The following CRPPA variants were observed in gnomAD, a reference collection of about 807,000 sequenced individuals.
The protein encoded by CRPPA is D-ribitol-5-phosphate cytidylyltransferase.
In CRPPA, 43 loss-of-function variants were observed where a neutral mutation model predicts 52.0. The observed-to-expected ratio is 0.83, with a 90% CI of 0.65 to 1.07. The LOEUF (loss-of-function observed/expected upper bound fraction) is 1.07, where lower values mean the gene tolerates loss of function less well. Ranked by LOEUF, CRPPA falls within the 50% of genes least tolerant of loss-of-function variation. The probability of loss-of-function intolerance (pLI) is 0.00; values close to 1 mark genes in which losing one functional copy is unlikely to be tolerated. For missense variants in CRPPA, 629 were observed against 551.7 expected (o/e 1.14, Z -1.40); for synonymous variants, 250 against 203.5 (o/e 1.23, Z -1.94).
intron 2 of CRPPA, among the ~76,000 whole-genome samples, chr7:16,397,266 CAACAT>C (rs987711251): frequency 8.6e-5 from 13 of 151,936 alleles, no homozygotes; most frequent in African/African-American, 2.4e-4. Context: ...ATGACCAACA[CAACAT>C]GAGGGTGACA....
At chr7:16,242,614 T>C (rs1783149160) in intron 8 of CRPPA, among the ~76,000 whole-genome samples, 1 of 152,168 alleles carries the variant, frequency 6.6e-6, no homozygotes, top group African/African-American at 2.4e-5. Flanking sequence ...AGACTAAGCA[T>C]TTAGAAAAAT....
At chr7:16,391,788 C>G (rs976951683) in intron 2 of CRPPA, among the ~76,000 whole-genome samples, 1 of 152,264 alleles carries the variant, frequency 6.6e-6, no homozygotes, top group East Asian at 1.9e-4. Flanking sequence ...GTGCCTAACA[C>G]ATAGCATGCA....
At chr7:16,107,434 A>C (rs552352777) in intron 9 of CRPPA, among the ~76,000 whole-genome samples, 1 of 152,274 alleles carries the variant, frequency 6.6e-6, no homozygotes, top group Admixed American at 6.5e-5. Flanking sequence ...CTCAGCAGAA[A>C]CCTTGTATGC....
At chr7:16,290,743 T>C (rs368769044) in intron 5 of CRPPA, among the ~76,000 whole-genome samples, 177 of 152,096 alleles carry the variant, frequency 1.2e-3, no homozygotes, top group African/African-American at 4.1e-3. Context: ...AAAAGCATTT[T>C]ATGGCTAAGA....
chr7:16,209,588 G>A (rs1782076726), intron 9 of CRPPA, among the ~76,000 whole-genome samples: 1 of 151,988 alleles, frequency 6.6e-6, no homozygotes, highest in South Asian at 2.1e-4. Flanking sequence ...GTCATCTTTT[G>A]TTTTATTATG....
At chr7:16,198,877 A>G (rs556505181) in intron 9 of CRPPA, among the ~76,000 whole-genome samples, 35 of 152,284 alleles carry the variant, frequency 2.3e-4, no homozygotes, top group African/African-American at 8.2e-4. Context: ...AATATAAAGT[A>G]GTAAGAACTG....
At chr7:16,345,662 T>G (rs1456998614) in intron 3 of CRPPA, among the ~76,000 whole-genome samples, 1 of 152,176 alleles carries the variant, frequency 6.6e-6, no homozygotes, top group Non-Finnish European at 1.5e-5. Context: ...AAATTTTCAG[T>G]TAAAAAATAT....
chr7:16,170,941 C>A (rs1364791938), intron 9 of CRPPA, among the ~76,000 whole-genome samples: 1 of 152,216 alleles, frequency 6.6e-6, no homozygotes, highest in Non-Finnish European at 1.5e-5. Context: ...CCGGTTCCTG[C>A]CTGCGCCTCT....
intron 6 of CRPPA, chr7:16,269,001 T>C (rs1170493906): frequency 2.0e-5 from 3 of 152,118 alleles, no homozygotes; most frequent in African/African-American, 7.2e-5. Flanking sequence ...ACTTCTTGAG[T>C]TTTGTGTTTT....
chr7:16,333,895 G>C (rs1583527302), intron 3 of CRPPA, among the ~76,000 whole-genome samples: 1 of 152,136 alleles, frequency 6.6e-6, no homozygotes, highest in Non-Finnish European at 1.5e-5. Flanking sequence ...ACTGCCCCAA[G>C]CCAGAATTCC....
At chr7:16,258,303 C>T in intron 8 of CRPPA, 87 bp downstream of exon 8, 1 of 793,850 alleles carries the variant, frequency 1.3e-6, no homozygotes, top group East Asian at 2.7e-5. Flanking sequence ...TCAATGCTCT[C>T]AATTGGATGA....
rs1782518886 is a variant in CRPPA, at chr7:16,221,850, A to G, written c.1120-5653T>C. On this transcript the variant is annotated intron_variant, in intron 8 of 9. Transcript: ENST00000407010. ...GGAACACTTTTACACTGTTGGTGGG[A>G]CTGTAAACTAGTTCAACCATTGTGG... 2.0e-5 allele frequency among the ~76,000 whole-genome samples: 3 copies of G among 150,436 alleles called. No homozygotes were observed. In the South Asian group the frequency reaches 6.3e-4, roughly 32 times the overall value.
intron 7 of CRPPA, 66 bp from the exon 8 acceptor site, chr7:16,258,548 G>A: frequency 1.2e-6 from 1 of 852,882 alleles, no homozygotes; most frequent in Non-Finnish European, 1.8e-6. Context: ...CTTATTTCAA[G>A]GAATAAATGG....
intron 3 of CRPPA, among the ~76,000 whole-genome samples, chr7:16,353,985 T>C (rs1174028825): frequency 6.6e-6 from 1 of 152,080 alleles, no homozygotes; most frequent in Non-Finnish European, 1.5e-5. Context: ...CACATATATA[T>C]ATACAATTAT....
intron 9 of CRPPA, among the ~76,000 whole-genome samples, chr7:16,204,732 A>G (rs761888724): frequency 7.2e-5 from 11 of 152,218 alleles, no homozygotes; most frequent in Non-Finnish European, 1.3e-4. Flanking sequence ...GAGATAATTC[A>G]TTCAAGTTTA....
At chr7:16,245,674 C>T (rs896910107) in intron 8 of CRPPA, among the ~76,000 whole-genome samples, 1 of 152,138 alleles carries the variant, frequency 6.6e-6, no homozygotes, top group African/African-American at 2.4e-5. Flanking sequence ...GGGAAAGTAA[C>T]AAGCATACCT....
At position 16,089,877 on chromosome 7, in the gene CRPPA, T is replaced by A. The variant is rs1249475283; in HGVS notation, c.*1818A>T. On this transcript the variant is annotated 3_prime_UTR_variant, in exon 10 of 10. Coordinates refer to ENST00000407010, the MANE Select transcript of CRPPA (RefSeq NM_001101426.4). ...GGGTGATTTTGCTGTGCCACAAATATGCCCAGTTTACTGCATTCTTCTTCA... is the reference window on the plus strand; with the variant it reads ...GGGTGATTTTGCTGTGCCACAAATAAGCCCAGTTTACTGCATTCTTCTTCA... The A allele has an allele frequency of 6.1e-6, 1 of 162,690 alleles. No individual in the cohort carries two copies. The highest frequency in any genetic ancestry group is 2.4e-5 in the African/African-American group (1 of 41,564). The allele number at this position is 162,690 out of a possible 1,614,324, so 10.1% of individuals were successfully genotyped here. A position where few individuals can be genotyped will look rare whatever the true frequency, so the allele number is the denominator to read the frequency against.
At chr7:16,186,383 G>T (rs891543039) in intron 9 of CRPPA, among the ~76,000 whole-genome samples, 2 of 152,152 alleles carry the variant, frequency 1.3e-5, no homozygotes, top group African/African-American at 2.4e-5. Flanking sequence ...CGCCACGTGC[G>T]TGTACAAGAA....
intron 6 of CRPPA, among the ~76,000 whole-genome samples, chr7:16,261,666 G>T (rs572011804): frequency 1.4e-4 from 22 of 151,868 alleles, no homozygotes; most frequent in Non-Finnish European, 3.2e-4. Flanking sequence ...GTTTATCTAG[G>T]AATAAAAATT....
Sources: allele counts gnomAD v4.1 joint callset (sites outside exome capture counted in the v4.1 genomes callset), GRCh38; gene constraint gnomAD v4.1.1; transcripts MANE v1.5; gene names NCBI Gene and HGNC (gene_info 2026-07-23, HGNC 2026-07-21).